OR2T1: variants seen among roughly 807,000 people sequenced by gnomAD.
The protein encoded by OR2T1 is olfactory receptor family 2 subfamily T member 1.
For missense variants in OR2T1, 440 were observed against 390.2 expected, an observed-to-expected ratio of 1.13 and a Z score of -1.07; for synonymous variants, 186 against 145.4, an observed-to-expected ratio of 1.28 and a Z score of -2.01.
intron 1 of OR2T1, among the ~76,000 whole-genome samples, chr1:248,404,809 T>C (rs1481504933): frequency 6.6e-6 from 1 of 152,096 alleles, no homozygotes; most frequent in Non-Finnish European, 1.5e-5. Flanking sequence ...AAGCTTCCTA[T>C]ATACACAATG....
At chr1:248,404,245 G>GGCTATTACATATATGTGTGTGTATA in intron 1 of OR2T1, among the ~76,000 whole-genome samples, 2 of 150,970 alleles carry the variant, frequency 1.3e-5, no homozygotes, top group African/African-American at 4.9e-5. Context: ...AGACAGCAGA[G>GGCTATTACATATATGTGTGTGTATA]ACCACTGTTT....
chr1:248,405,115 G>A (rs1050003506), intron 1 of OR2T1, among the ~76,000 whole-genome samples: 3 of 152,110 alleles, frequency 2.0e-5, no homozygotes, highest in African/African-American at 7.2e-5. Flanking sequence ...ATTTAGAGGA[G>A]CACTAGACTA....
At position 248,407,112 on chromosome 1, in the gene OR2T1, C is replaced by A. The variant is rs748354272; in HGVS notation, c.*8C>A. ...TCAGGAGGTGTCTTTTGACAGTCGA[C>A]TCCTTCCCATGCATATGGTAAATGG... On this transcript the variant is annotated 3_prime_UTR_variant, in exon 2 of 2. Coordinates refer to ENST00000642005, the MANE Select transcript of OR2T1 (RefSeq NM_030904.2). 2.8e-5 allele frequency: 44 copies of A among 1,559,510 alleles called. No homozygotes were observed. The highest frequency in any genetic ancestry group is 3.6e-5 in the Non-Finnish European group (42 of 1,155,266).
At chr1:248,405,784 G>A (rs1007075625) in intron 1 of OR2T1, among the ~76,000 whole-genome samples, 5 of 152,154 alleles carry the variant, frequency 3.3e-5, no homozygotes, top group Non-Finnish European at 7.4e-5. Context: ...ATGCATCTAA[G>A]GTAATACACA....
chr1:248,407,369 TATA>T lies in OR2T1; in HGVS notation c.*268_*270del. On this transcript the variant is annotated 3_prime_UTR_variant, in exon 2 of 2. Transcript: ENST00000642005. ...CAAAGAAAGCCTTAGAAACTAAAAATATAATCCAATCTTTCCCCGCTTTTGGTC... is the reference window on the plus strand; with the variant it reads ...CAAAGAAAGCCTTAGAAACTAAAAATATCCAATCTTTCCCCGCTTTTGGTC... 2.4e-6 allele frequency: 1 copy of T among 418,770 alleles called. No individual in the cohort carries two copies. The highest frequency in any genetic ancestry group is 3.7e-5 in the East Asian group (1 of 27,362). 25.9% of individuals were successfully genotyped at this position (418,770 alleles called of 1,614,324 possible).
In OR2T1 at chr1:248,407,677, G is replaced by C. The variant is rs1345576901; in HGVS notation, c.*573G>C. The C allele has an allele frequency of 6.6e-6, 1 of 152,378 alleles. No individual in the cohort carries two copies. Among genetic ancestry groups the C allele is most frequent in the East Asian group, 1.9e-4 (1 of 5,204 alleles). The allele number at this position is 152,378 out of a possible 1,614,324, so 9.4% of individuals were successfully genotyped here. A position where few individuals can be genotyped will look rare whatever the true frequency, so the allele number is the denominator to read the frequency against. On this transcript the variant is annotated 3_prime_UTR_variant, in exon 2 of 2. Transcript: ENST00000642005. ...GGAGAGGACAGAAAACTTCTGGACA[G>C]CTAAACTCATGAAGCTGAACAGGAG...
In OR2T1 at chr1:248,407,335, T is replaced by A; in HGVS notation, c.*231T>A. ...GCCTTCCCTCTTTTCACCTGCTTCT[T>A]TTTCTCCCCAAAGAAAGCCTTAGAA... On this transcript the variant is annotated 3_prime_UTR_variant, in exon 2 of 2. Transcript: ENST00000642005. 2.3e-6 allele frequency: 1 copy of A among 433,048 alleles called. No individual in the cohort carries two copies. The highest frequency in any genetic ancestry group is 3.5e-5 in the East Asian group (1 of 28,940). 26.8% of individuals were successfully genotyped at this position (433,048 alleles called of 1,614,324 possible).
At chr1:248,405,615 C>T (rs1661538106) in intron 1 of OR2T1, among the ~76,000 whole-genome samples, 1 of 152,170 alleles carries the variant, frequency 6.6e-6, no homozygotes, top group Non-Finnish European at 1.5e-5. Flanking sequence ...CAAGTATACT[C>T]TCATGATGTA....
At position 248,406,186 on chromosome 1, in the gene OR2T1, C is replaced by A. The variant is rs1324270571; in HGVS notation, c.39C>A (p.Phe13Leu). Reference protein sequence around the residue: ...EYNTSSTDFTFMGLFNRKETS... With the variant: ...EYNTSSTDFTLMGLFNRKETS... ...ACACATCCTCTACAGACTTCACTTT[C>A]ATGGGGCTGTTCAACAGAAAGGAAA... The change falls in exon 2 of 2, where the codon TTC (phenylalanine) becomes TTA (leucine). Residue 13 changes from phenylalanine to leucine, a missense_variant. By Grantham distance (22) the Phe-to-Leu change is conservative. Coordinates refer to ENST00000642005, the MANE Select transcript of OR2T1 (RefSeq NM_030904.2). 5.6e-6 allele frequency: 9 copies of A among 1,614,012 alleles called. No homozygotes were observed. The highest frequency in any genetic ancestry group is 7.6e-6 in the Non-Finnish European group (9 of 1,179,956).
chr1:248,404,090 G>C (rs1279019496), intron 1 of OR2T1, among the ~76,000 whole-genome samples: 2 of 65,348 alleles, frequency 3.1e-5, no homozygotes, highest in Non-Finnish European at 7.0e-5. Context: ...GTATAAAACA[G>C]TCCCTCAGTT....
At position 248,407,659 on chromosome 1, in the gene OR2T1, A is replaced by G. The variant is rs1000119455; in HGVS notation, c.*555A>G. 1 of 152,464 alleles carries G rather than the reference A, an allele frequency of 6.6e-6. No homozygotes were observed. Among genetic ancestry groups the G allele is most frequent in the African/African-American group, 2.4e-5 (1 of 41,470 alleles). 9.4% of individuals were successfully genotyped at this position (152,464 alleles called of 1,614,324 possible). A position where few individuals can be genotyped will look rare whatever the true frequency, so the allele number is the denominator to read the frequency against. On this transcript the variant is annotated 3_prime_UTR_variant, in exon 2 of 2. Coordinates refer to ENST00000642005, the MANE Select transcript of OR2T1 (RefSeq NM_030904.2). ...TCCATATAAGGGCCAAAAGGAGAGG[A>G]CAGAAAACTTCTGGACAGCTAAACT...
rs752741003 is a variant in OR2T1 at position 248,406,369 on chromosome 1, C to T, written c.222C>T (p.Ser74=). The change falls in exon 2 of 2, where the codon TCC becomes TCT. Residue 74 remains serine (S), a synonymous_variant. Transcript: ENST00000642005. ...CCTTAATTGACATGATGTATATTTC[C>T]ACTATTGTGCCTAAGATGCTGGTTA... ...HLSLIDMMYI[S]TIVPKMLVNY... The T allele has an allele frequency of 6.2e-7, 1 of 1,614,132 alleles. No homozygotes were observed. Among genetic ancestry groups the T allele is most frequent in the South Asian group, 1.1e-5 (1 of 91,076 alleles).
intron 1 of OR2T1, among the ~76,000 whole-genome samples, chr1:248,405,104 T>C (rs1010418061): frequency 2.0e-5 from 3 of 152,182 alleles, no homozygotes; most frequent in African/African-American, 7.2e-5. Context: ...ATTTTTAGAA[T>C]ATTTAGAGGA....
At position 248,406,516 on chromosome 1, in the gene OR2T1, G is replaced by T. The variant is rs775916357; in HGVS notation, c.369G>T (p.Val123=). 2.5e-6 allele frequency: 4 copies of T among 1,614,084 alleles called. No homozygotes were observed. The South Asian group carries it at 3.3e-5, about 13-fold the overall frequency. The change falls in exon 2 of 2, where the codon GTG becomes GTT. Residue 123 remains valine, a synonymous_variant. Coordinates refer to ENST00000642005, the MANE Select transcript of OR2T1 (RefSeq NM_030904.2). The stretch of plus-strand genomic sequence containing the variant: ...GCCTCATGGCCTATGACCGCTATGT[G>T]GCCATTTGCAACCCTCTGAGATACC... ...LLGLMAYDRY[V]AICNPLRYPV... is the part of the protein sequence containing the mutation.
At position 248,406,271 on chromosome 1, in the gene OR2T1, G is replaced by A; in HGVS notation, c.124G>A (p.Gly42Arg). Residue 42 changes from glycine to arginine, a missense_variant, in exon 2 of 2, where the codon GGG (glycine) becomes AGG (arginine). By Grantham distance (125) the Gly-to-Arg change is moderately radical (BLOSUM62 -2). Coordinates refer to ENST00000642005, the MANE Select transcript of OR2T1 (RefSeq NM_030904.2). ...IIFFTALMAN[G>R]VMIFLIQTDL... ...CTTCTTCACCGCACTGATGGCCAAT[G>A]GGGTTATGATCTTCCTGATCCAAAC... 6.2e-7 allele frequency: 1 copy of A among 1,614,098 alleles called. No individual in the cohort carries two copies. Among genetic ancestry groups the A allele is most frequent in the Non-Finnish European group, 8.5e-7 (1 of 1,180,000 alleles).
chr1:248,406,877 A>G lies in OR2T1; in HGVS notation c.730A>G (p.Met244Val). The stretch of plus-strand genomic sequence containing the variant: ...GGCATTTGCCACTTGCTCATCCCAC[A>G]TGACTGTGGTGTCCTTGTTCTACGG... ...KKAFATCSSH[M>V]TVVSLFYGAA... Residue 244 changes from methionine (M) to valine (V), a missense_variant, in exon 2 of 2, where the codon ATG becomes GTG. Coordinates refer to ENST00000642005, the MANE Select transcript of OR2T1 (RefSeq NM_030904.2). 1.2e-6 allele frequency: 2 copies of G among 1,614,122 alleles called. No individual in the cohort carries two copies. The highest frequency in any genetic ancestry group is 1.7e-6 in the Non-Finnish European group (2 of 1,179,998).
chr1:248,405,989 G>A, intron 1 of OR2T1, 126 bp from the exon 2 acceptor site: 1 of 1,593,274 alleles, frequency 6.3e-7, no homozygotes, highest in Non-Finnish European at 8.5e-7. Flanking sequence ...CTAGATATCA[G>A]TCTCAATGTG....
At chr1:248,404,561 A>ATATATATATATATATATATATATAT (rs1661514784) in intron 1 of OR2T1, among the ~76,000 whole-genome samples, 1 of 110,550 alleles carries the variant, frequency 9.0e-6, no homozygotes, top group South Asian at 3.7e-4. Context: ...TATATATATA[A>ATATATATATATATATATATATATAT]AATATACATA....
At chr1:248,404,016 A>T (rs894733560) in intron 1 of OR2T1, among the ~76,000 whole-genome samples, 2 of 151,832 alleles carry the variant, frequency 1.3e-5, no homozygotes, top group Non-Finnish European at 2.9e-5. Flanking sequence ...TATATATATA[A>T]TGGATAAAAG....
Sources: allele counts gnomAD v4.1 joint callset (sites outside exome capture counted in the v4.1 genomes callset), GRCh38; gene constraint gnomAD v4.1.1; transcripts MANE v1.5; gene names NCBI Gene and HGNC (gene_info 2026-07-23, HGNC 2026-07-21).